The following PPP1R9A variants were observed in gnomAD, a reference collection of about 807,000 sequenced individuals.
PPP1R9A encodes the protein protein phosphatase 1 regulatory subunit 9A, also known as neurabin-1.
In PPP1R9A, 59 loss-of-function variants were observed where a neutral mutation model predicts 141.9. That is an observed-to-expected ratio of 0.42 (90% CI 0.34 to 0.52). PPP1R9A has a LOEUF of 0.52. Ranked by LOEUF, PPP1R9A falls within the 20% of genes least tolerant of loss-of-function variation. The pLI is 0.10. For synonymous variants in PPP1R9A, 500 were observed against 569.7 expected (o/e 0.88, Z 1.74); for missense variants, 1,444 against 1,611.9 (o/e 0.90, Z 1.78).
intron 2 of PPP1R9A, among the ~76,000 whole-genome samples, chr7:95,055,308 G>A (rs1011504416): frequency 6.6e-6 from 1 of 151,530 alleles, no homozygotes; most frequent in Non-Finnish European, 1.5e-5. Flanking sequence ...TAGTACTGAA[G>A]TTTTCTGTTG....
At position 95,252,081 on chromosome 7, in the gene PPP1R9A, G is replaced by A. The variant is rs1392693839; in HGVS notation, c.2616G>A (p.Met872Ile). The change falls in exon 12 of 20, where the codon ATG becomes ATA. Residue 872 changes from methionine to isoleucine, a missense_variant. Physicochemically the swap from Met to Ile is conservative, Grantham distance 10 (BLOSUM62 1). Coordinates refer to ENST00000433360, the MANE Select transcript of PPP1R9A (RefSeq NM_001166160.2). ...GTGAAGTCTCTAAAGGGGATACCAT[G>A]GAGAACTTGGATGGCAAGCAGACAT... is the stretch of plus-strand genomic sequence containing the variant. ...SLGEVSKGDT[M>I]ENLDGKQTSC... 6.2e-7 allele frequency: 1 copy of A among 1,608,252 alleles called. No homozygotes were observed. Among genetic ancestry groups the A allele is most frequent in the Non-Finnish European group, 8.5e-7 (1 of 1,178,404 alleles).
chr7:95,060,705 C>A (rs981636708), intron 2 of PPP1R9A, among the ~76,000 whole-genome samples: 1 of 152,128 alleles, frequency 6.6e-6, no homozygotes, highest in African/African-American at 2.4e-5. Context: ...GAAGTTGGCA[C>A]TTTTACTCGA....
At chr7:95,168,808 G>T (rs1356880674) in intron 5 of PPP1R9A, among the ~76,000 whole-genome samples, 1 of 152,038 alleles carries the variant, frequency 6.6e-6, no homozygotes, top group African/African-American at 2.4e-5. Context: ...AATCATCAGA[G>T]AAATGCAAAA....
At chr7:95,272,323 A>C in intron 14 of PPP1R9A, among the ~76,000 whole-genome samples, 1 of 152,216 alleles carries the variant, frequency 6.6e-6, no homozygotes, top group Non-Finnish European at 1.5e-5. Context: ...AGCTTCTATT[A>C]AGAAAATTTA....
intron 5 of PPP1R9A, 87 bp from the exon 6 acceptor site, chr7:95,198,262 C>T: frequency 7.8e-7 from 1 of 1,283,144 alleles, no homozygotes; most frequent in Non-Finnish European, 1.0e-6. Context: ...CTTGATGGAC[C>T]CTGCTGAGAT....
At chr7:95,099,428 A>T (rs558053839) in intron 2 of PPP1R9A, among the ~76,000 whole-genome samples, 7 of 152,348 alleles carry the variant, frequency 4.6e-5, no homozygotes, top group African/African-American at 1.7e-4. Context: ...ACTGAAAGAG[A>T]ACATTGCTAA....
intron 2 of PPP1R9A, among the ~76,000 whole-genome samples, chr7:95,059,220 T>C (rs1436134299): frequency 6.6e-6 from 1 of 152,202 alleles, no homozygotes; most frequent in Non-Finnish European, 1.5e-5. Context: ...AATTTCATGG[T>C]TAAAAAATAC....
rs183158300 is a variant in PPP1R9A at position 95,183,727 on chromosome 7, G to A, written c.1755-14622G>A. 9.9e-5 allele frequency among the ~76,000 whole-genome samples: 15 copies of A among 152,096 alleles called. No individual in the cohort carries two copies. The East Asian group carries it at 2.3e-3, about 24-fold the overall frequency. On this transcript the variant is annotated intron_variant, in intron 5 of 19. Transcript: ENST00000433360. ...CTCCCAAAGTGCTGAGATTACAGGCGTGAGCCACAGCGCCCAGCCAAAAAT... is the reference window on the plus strand; with the variant it reads ...CTCCCAAAGTGCTGAGATTACAGGCATGAGCCACAGCGCCCAGCCAAAAAT...
chr7:95,135,854 C>CTTT (rs58872136), intron 4 of PPP1R9A, among the ~76,000 whole-genome samples: 4,560 of 72,850 alleles, frequency 0.063, 279 homozygotes, highest in African/African-American at 0.16. Flanking sequence ...TTCAGCTTTA[C>CTTT]TTTTTTTTTT....
chr7:95,028,615 G>A (rs1316771784), intron 2 of PPP1R9A, among the ~76,000 whole-genome samples: 1 of 152,204 alleles, frequency 6.6e-6, no homozygotes, highest in African/African-American at 2.4e-5. Context: ...TCACTTGGCT[G>A]AATAGAATGT....
At chr7:95,185,712 G>C (rs773534436) in intron 5 of PPP1R9A, among the ~76,000 whole-genome samples, 3 of 152,050 alleles carry the variant, frequency 2.0e-5, no homozygotes, top group Admixed American at 6.5e-5. Context: ...TATAAGGTGA[G>C]AGGTGAGGAT....
At chr7:94,941,081 G>C (rs1397701359) in intron 2 of PPP1R9A, among the ~76,000 whole-genome samples, 1 of 152,114 alleles carries the variant, frequency 6.6e-6, no homozygotes, top group Non-Finnish European at 1.5e-5. Flanking sequence ...GATATTGTCT[G>C]TGAAAGACTA....
At chr7:95,282,006 C>G (rs1918480) in intron 16 of PPP1R9A, among the ~76,000 whole-genome samples, 1 of 152,008 alleles carries the variant, frequency 6.6e-6, no homozygotes, top group Non-Finnish European at 1.5e-5. Context: ...TTCTACACAG[C>G]TAGAGCTTTC....
chr7:95,088,047 CA>C (rs1019250808), intron 2 of PPP1R9A, among the ~76,000 whole-genome samples: 1 of 151,816 alleles, frequency 6.6e-6, no homozygotes, highest in African/African-American at 2.4e-5. Context: ...TAAAATCTTG[CA>C]AGATACACTA....
chr7:95,152,092 C>T (rs1312764454), intron 4 of PPP1R9A, among the ~76,000 whole-genome samples: 1 of 151,674 alleles, frequency 6.6e-6, no homozygotes, highest in Non-Finnish European at 1.5e-5. Flanking sequence ...GCTGGGACTA[C>T]AGGTGCGTGC....
chr7:95,210,895 G>A (rs1791968752), intron 7 of PPP1R9A, among the ~76,000 whole-genome samples: 1 of 151,968 alleles, frequency 6.6e-6, no homozygotes, highest in South Asian at 2.1e-4. Context: ...ATTAACACAG[G>A]AACAGAAAAC....
chr7:95,293,997 A>T lies in PPP1R9A; in HGVS notation c.*3694A>T, dbSNP rs1431700138. 1 of 152,154 alleles carries T rather than the reference A, an allele frequency of 6.6e-6. No individual in the cohort carries two copies. Among genetic ancestry groups the T allele is most frequent in the Non-Finnish European group, 1.5e-5 (1 of 68,032 alleles). The allele number at this position is 152,154 out of a possible 1,614,324, so 9.4% of individuals were successfully genotyped here. A position where few individuals can be genotyped will look rare whatever the true frequency, so the allele number is the denominator to read the frequency against. On this transcript the variant is annotated 3_prime_UTR_variant, in exon 20 of 20. Coordinates refer to ENST00000433360, the MANE Select transcript of PPP1R9A (RefSeq NM_001166160.2). ...ACTTTGGATATGTTGTAGCCCCATC[A>T]TTACACTGAGATATTTCCATTTGAG... is the stretch of plus-strand genomic sequence containing the variant.
intron 8 of PPP1R9A, among the ~76,000 whole-genome samples, chr7:95,237,179 A>ATT: frequency 8.0e-6 from 1 of 125,626 alleles, no homozygotes. Flanking sequence ...ATATATATAT[A>ATT]TTTTTTTTTT....
rs180864579 is a variant in PPP1R9A at position 95,186,681 on chromosome 7, G to A, written c.1755-11668G>A. On this transcript the variant is annotated intron_variant, in intron 5 of 19. Transcript: ENST00000433360. ...TCATAGATGGCTTTTATTACCTTAA[G>A]GTATGGCTCTTTTATGCCAATTTTG... Among the ~76,000 whole-genome samples the A allele has an allele frequency of 2.0e-4, 31 of 152,110 alleles. No homozygotes were observed. In the East Asian group the frequency reaches 5.8e-3, roughly 28 times the overall value.
Sources: gnomAD v4.1 joint callset for allele counts (sites outside exome capture counted in the v4.1 genomes callset) on GRCh38, gnomAD v4.1.1 for gene constraint, MANE v1.5 for transcripts, NCBI Gene and HGNC (gene_info 2026-07-23, HGNC 2026-07-21) for gene names.